Variants in STK32B observed in about 807,000 individuals in gnomAD.
The protein encoded by STK32B is serine/threonine kinase 32B.
A neutral mutation model predicts 52.6 loss-of-function variants in STK32B; 43 were observed. The ratio of observed to expected loss-of-function variants is 0.82; its 90% CI spans 0.64 to 1.05. STK32B has a LOEUF of 1.05. STK32B is among the 50% of genes least tolerant of loss of function. STK32B has a pLI of 0.00. For synonymous variants in STK32B, 238 were observed against 204.3 expected (o/e 1.17, Z -1.41); for missense variants, 621 against 534.6 (o/e 1.16, Z -1.59).
intron 3 of STK32B, among the ~76,000 whole-genome samples, chr4:5,192,176 GGTCCTGAGTCC>G (rs1187419088): frequency 1.3e-5 from 2 of 152,218 alleles, no homozygotes; most frequent in African/African-American, 4.8e-5. Context: ...CACATTGCAA[GGTCCTGAGTCC>G]AAAATGATGA....
intron 1 of STK32B, among the ~76,000 whole-genome samples, chr4:5,106,950 T>C (rs929207745): frequency 3.3e-5 from 5 of 152,238 alleles, no homozygotes; most frequent in Non-Finnish European, 7.3e-5. Flanking sequence ...GTGCTATACA[T>C]TGTATCCAGT....
intron 3 of STK32B, among the ~76,000 whole-genome samples, chr4:5,237,627 A>G (rs1053235894): frequency 4.6e-5 from 7 of 152,252 alleles, no homozygotes; most frequent in African/African-American, 1.7e-4. Flanking sequence ...AAATCTGTGC[A>G]GGAAATGAAT....
rs371059553 is a variant in STK32B at position 5,350,358 on chromosome 4, G to A, written c.434+18965G>A. Among the ~76,000 whole-genome samples the A allele has an allele frequency of 1.4e-4, 21 of 152,194 alleles. No individual in the cohort carries two copies. In the East Asian group the frequency reaches 3.3e-3, roughly 24 times the overall value. On this transcript the variant is annotated intron_variant, in intron 4 of 11. Transcript: ENST00000282908. ...GAGAAATAAAGTCTTTCCCAGACAA[G>A]CAAAAGCTGAGATAATTCATCAGCA... is the stretch of plus-strand genomic sequence containing the variant.
chr4:5,313,882 A>G (rs975264335), intron 3 of STK32B, among the ~76,000 whole-genome samples: 1 of 152,202 alleles, frequency 6.6e-6, no homozygotes, highest in Non-Finnish European at 1.5e-5. Flanking sequence ...TAACAAAAAC[A>G]TTTACACTAT....
chr4:5,373,919 G>A (rs1735412397), intron 4 of STK32B, among the ~76,000 whole-genome samples: 2 of 152,162 alleles, frequency 1.3e-5, no homozygotes, highest in South Asian at 4.1e-4. Flanking sequence ...TCCCCCAAAA[G>A]TAATGTCCAC....
At chr4:5,208,109 C>G (rs1053772563) in intron 3 of STK32B, among the ~76,000 whole-genome samples, 1 of 152,126 alleles carries the variant, frequency 6.6e-6, no homozygotes, top group Non-Finnish European at 1.5e-5. Context: ...CCAGCCTGGA[C>G]TGGGAGAAGG....
At chr4:5,117,817 T>C (rs1714820608) in intron 1 of STK32B, among the ~76,000 whole-genome samples, 1 of 152,210 alleles carries the variant, frequency 6.6e-6, no homozygotes, top group Non-Finnish European at 1.5e-5. Context: ...TTAGATCATA[T>C]AATTTTATTC....
intron 3 of STK32B, among the ~76,000 whole-genome samples, chr4:5,310,226 A>G (rs145772052): frequency 1.5e-3 from 226 of 152,314 alleles, no homozygotes; most frequent in African/African-American, 5.1e-3. Context: ...CATCAAAGGA[A>G]ACAATCAACA....
rs1387995775 is a variant in STK32B, at chr4:5,196,400, T to C, written c.260+27950T>C. Among the ~76,000 whole-genome samples, 3 of 147,570 alleles carry C rather than the reference T, an allele frequency of 2.0e-5. No individual in the cohort carries two copies. In the Middle Eastern group the frequency reaches 0.011, roughly 523 times the overall value. ...ACCTCATAGTTTTGTTCTGAACGTA[T>C]GTAAAACCACTAACAGAAATATTTT... On this transcript the variant is annotated intron_variant, in intron 3 of 11. Coordinates refer to ENST00000282908, the MANE Select transcript of STK32B (RefSeq NM_018401.3).
intron 4 of STK32B, among the ~76,000 whole-genome samples, chr4:5,368,672 A>G (rs1489716109): frequency 6.6e-6 from 1 of 152,164 alleles, no homozygotes; most frequent in African/African-American, 2.4e-5. Flanking sequence ...AGTTCTTAAG[A>G]GGGCTGGCAG....
intron 3 of STK32B, among the ~76,000 whole-genome samples, chr4:5,241,771 C>T (rs957414078): frequency 6.6e-6 from 1 of 152,094 alleles, no homozygotes; most frequent in African/African-American, 2.4e-5. Flanking sequence ...GTTCCGCTTC[C>T]TGTGTCCATG....
At chr4:5,153,911 C>G (rs1406929888) in intron 2 of STK32B, among the ~76,000 whole-genome samples, 1 of 152,118 alleles carries the variant, frequency 6.6e-6, no homozygotes, top group East Asian at 1.9e-4. Context: ...TGGCAATTCT[C>G]TGCAAACTTA....
At chr4:5,456,961 T>C in intron 8 of STK32B, 38 bp downstream of exon 8, 2 of 1,447,102 alleles carry the variant, frequency 1.4e-6, no homozygotes, top group East Asian at 2.5e-5. Flanking sequence ...GCCAGGGAGC[T>C]ACGGTGAGTG....
chr4:5,328,298 A>G (rs1048890598), intron 3 of STK32B, among the ~76,000 whole-genome samples: 6 of 152,108 alleles, frequency 3.9e-5, no homozygotes, highest in Non-Finnish European at 7.4e-5. Flanking sequence ...GGCCAACTTT[A>G]TGTTGTAAGA....
intron 3 of STK32B, among the ~76,000 whole-genome samples, chr4:5,327,784 G>T (rs1731975490): frequency 6.6e-6 from 1 of 152,178 alleles, no homozygotes; most frequent in Admixed American, 6.5e-5. Context: ...CCTAGTGAGA[G>T]AGCCTTTCCT....
At chr4:5,028,806 T>A in the STK32B span, among the ~76,000 whole-genome samples, 1 of 152,154 alleles carries the variant, frequency 6.6e-6, no homozygotes, top group African/African-American at 2.4e-5. Flanking sequence ...CACACTACCA[T>A]AAAGAAATAC....
chr4:5,102,510 C>T lies in STK32B; in HGVS notation c.53-37395C>T, dbSNP rs148004220. Among the ~76,000 whole-genome samples, 483 of 123,298 alleles carry T rather than the reference C, an allele frequency of 3.9e-3. 1 individual carries two copies. Among genetic ancestry groups the T allele is most frequent in the Non-Finnish European group, 5.0e-3 (301 of 59,734 alleles). The allele number at this position is 123,298 out of a possible 152,430, so 80.9% of individuals were successfully genotyped here. A position where few individuals can be genotyped will look rare whatever the true frequency, so the allele number is the denominator to read the frequency against. ...CTTCCTTCCCTCCCTCCCTCCCTCCCTCCTTCCTTCTTTCTTTCTTTACTT... is the reference window on the plus strand; with the variant it reads ...CTTCCTTCCCTCCCTCCCTCCCTCCTTCCTTCCTTCTTTCTTTCTTTACTT... On this transcript the variant is annotated intron_variant, in intron 1 of 11. Coordinates refer to ENST00000282908, the MANE Select transcript of STK32B (RefSeq NM_018401.3).
intron 3 of STK32B, among the ~76,000 whole-genome samples, chr4:5,250,996 C>T (rs1725889281): frequency 6.6e-6 from 1 of 152,168 alleles, no homozygotes; most frequent in Non-Finnish European, 1.5e-5. Context: ...TATTTTCTCT[C>T]ATTCTGTAGG....
chr4:5,428,416 AAAAC>A (rs937502351), intron 6 of STK32B, among the ~76,000 whole-genome samples: 32 of 152,248 alleles, frequency 2.1e-4, no homozygotes, highest in Non-Finnish European at 2.5e-4. Context: ...TAAAAAAAAC[AAAAC>A]AAACAAACAA....
Sources: gnomAD v4.1 joint callset for allele counts (sites outside exome capture counted in the v4.1 genomes callset) on GRCh38, gnomAD v4.1.1 for gene constraint, MANE v1.5 for transcripts, NCBI Gene and HGNC (gene_info 2026-07-23, HGNC 2026-07-21) for gene names.